The following SLC5A8 variants were observed in gnomAD, a reference collection of about 807,000 sequenced individuals.
SLC5A8 encodes the protein solute carrier family 5 member 8.
A neutral mutation model predicts 71.9 loss-of-function variants in SLC5A8; 55 were observed. The ratio of observed to expected loss-of-function variants is 0.77; its 90% CI spans 0.62 to 0.96. SLC5A8 has a LOEUF of 0.96. Ranked by LOEUF, SLC5A8 falls within the 40% of genes least tolerant of loss-of-function variation. The pLI is 0.00. For synonymous variants in SLC5A8, 307 were observed against 276.1 expected (o/e 1.11, Z -1.11); for missense variants, 701 against 745.3 (o/e 0.94, Z 0.69).
chr12:101,202,315 T>A lies in SLC5A8; in HGVS notation c.418-100A>T. 4 of 1,126,156 alleles carry A rather than the reference T, an allele frequency of 3.6e-6. No individual in the cohort carries two copies. The South Asian group carries it at 7.6e-5, about 21-fold the overall frequency. The allele number at this position is 1,126,156 out of a possible 1,614,324, so 69.8% of individuals were successfully genotyped here. A position where few individuals can be genotyped will look rare whatever the true frequency, so the allele number is the denominator to read the frequency against. ...TTGATTGTTTTCCTATAACTTCAAT[T>A]ATGACTTAAAACAACAGTTTCAAAA... On this transcript the variant is annotated intron_variant, in intron 2 of 14. Transcript: ENST00000536262.
Position 101,158,240 on chromosome 12 carries a change from C to A in SLC5A8, c.1710+9G>T. The A allele has an allele frequency of 1.3e-6, 2 of 1,562,460 alleles. No homozygotes were observed. The highest frequency in any genetic ancestry group is 3.4e-5 in the Admixed American group (2 of 58,520). On this transcript the variant is annotated intron_variant, in intron 14 of 14. Coordinates refer to ENST00000536262, the MANE Select transcript of SLC5A8 (RefSeq NM_145913.5). Reference sequence around the variant, plus strand: ...TTTCCTAACTCAAGGTAAATGAAAGCCAACTCACTTTCTTAAAAATATCAA... The same window carrying A: ...TTTCCTAACTCAAGGTAAATGAAAGACAACTCACTTTCTTAAAAATATCAA...
chr12:101,169,545 C>T (rs1243346033), intron 10 of SLC5A8, among the ~76,000 whole-genome samples: 1 of 152,128 alleles, frequency 6.6e-6, no homozygotes, highest in Non-Finnish European at 1.5e-5. Flanking sequence ...AAACAACAAC[C>T]AACCAGAATG....
rs894886987 is a variant in SLC5A8 at position 101,206,386 on chromosome 12, A to G, written c.352-1821T>C. 2.0e-5 allele frequency among the ~76,000 whole-genome samples: 3 copies of G among 152,220 alleles called. No homozygotes were observed. In the East Asian group the frequency reaches 5.8e-4, roughly 29 times the overall value. ...TAAACATGTGAATGGACATCAATAG[A>G]AGAGAAGTCTTTGTTTTTTCTAGGT... On this transcript the variant is annotated intron_variant, in intron 1 of 14. Transcript: ENST00000536262.
intron 10 of SLC5A8, among the ~76,000 whole-genome samples, chr12:101,173,653 CT>C (rs1398078545): frequency 6.6e-6 from 1 of 152,262 alleles, no homozygotes; most frequent in South Asian, 2.1e-4. Flanking sequence ...GCATGGTGGG[CT>C]GGGAACAGCT....
chr12:101,158,550 GTCTCTC>G lies in SLC5A8; in HGVS notation c.1631-228_1631-223del, dbSNP rs372186123. Among the ~76,000 whole-genome samples the G allele has an allele frequency of 8.4e-3, 404 of 48,282 alleles. 4 individuals carry two copies. Among genetic ancestry groups the G allele is most frequent in the Admixed American group, 8.8e-3 (30 of 3,402 alleles). The allele number at this position is 48,282 out of a possible 152,430, so 31.7% of individuals were successfully genotyped here. A position where few individuals can be genotyped will look rare whatever the true frequency, so the allele number is the denominator to read the frequency against. Reference sequence around the variant, plus strand: ...AAGCCTCTCACTATAATAAATATGAGTCTCTCTCTCTCTCTCTCTCTCTCTCTCTCT... The same window carrying G: ...AAGCCTCTCACTATAATAAATATGAGTCTCTCTCTCTCTCTCTCTCTCTCT... On this transcript the variant is annotated intron_variant, in intron 13 of 14. Coordinates refer to ENST00000536262, the MANE Select transcript of SLC5A8 (RefSeq NM_145913.5).
At chr12:101,174,582 G>C (rs914469124) in intron 10 of SLC5A8, among the ~76,000 whole-genome samples, 14 of 152,174 alleles carry the variant, frequency 9.2e-5, no homozygotes, top group African/African-American at 2.9e-4. Context: ...GTTTATGAAA[G>C]CTGCATCTGT....
Position 101,162,893 on chromosome 12 carries a change from C to A in SLC5A8, c.1527-816G>T, listed in dbSNP as rs1387376252. On this transcript the variant is annotated intron_variant, in intron 12 of 14. Transcript: ENST00000536262. ...CTAATGGAGAGATAAATACAATAAA[C>A]AAATTAATAAATATAATAATTTCCA... Among the ~76,000 whole-genome samples, 4 of 152,068 alleles carry A rather than the reference C, an allele frequency of 2.6e-5. No individual in the cohort carries two copies. The East Asian group carries it at 5.8e-4, about 22-fold the overall frequency.
intron 10 of SLC5A8, among the ~76,000 whole-genome samples, chr12:101,176,899 A>G (rs2051884452): frequency 6.6e-6 from 1 of 152,114 alleles, no homozygotes; most frequent in South Asian, 2.1e-4. Context: ...ACTCAAAGCA[A>G]GGAGAAAAGA....
intron 6 of SLC5A8, among the ~76,000 whole-genome samples, chr12:101,188,415 G>A (rs542301352): frequency 1.3e-5 from 2 of 152,170 alleles, no homozygotes; most frequent in Admixed American, 6.5e-5. Context: ...TGAGCTGCCC[G>A]AGGTGGAAAA....
At chr12:101,187,633 C>T in intron 6 of SLC5A8, 118 bp from the exon 7 acceptor site, 3 of 1,093,570 alleles carry the variant, frequency 2.7e-6, no homozygotes, top group Non-Finnish European at 3.7e-6. Flanking sequence ...TGTACATTAT[C>T]TTTTGATTAT....
At position 101,188,722 on chromosome 12, in the gene SLC5A8, A is replaced by G. The variant is rs193035965; in HGVS notation, c.834-1207T>C. 1.0e-3 allele frequency among the ~76,000 whole-genome samples: 156 copies of G among 152,280 alleles called. 1 individual carries two copies. Among genetic ancestry groups the G allele is most frequent in the Middle Eastern group, 0.01 (3 of 294 alleles). On this transcript the variant is annotated intron_variant, in intron 6 of 14. Transcript: ENST00000536262. ...TCAGAGTCTGCTTCCGGAAGAATCA[A>G]AGGTGGGTTTATCAGATTTATCCTT...
intron 5 of SLC5A8, among the ~76,000 whole-genome samples, chr12:101,193,368 C>CT (rs1331944139): frequency 3.3e-5 from 5 of 152,088 alleles, no homozygotes; most frequent in Non-Finnish European, 7.4e-5. Flanking sequence ...GAAGAAAATA[C>CT]TTTTTTTGCT....
chr12:101,184,043 C>G, intron 8 of SLC5A8, 91 bp downstream of exon 8: 1 of 1,322,658 alleles, frequency 7.6e-7, no homozygotes, highest in Non-Finnish European at 1.1e-6. Context: ...GTGTCTGTGC[C>G]CAGAACTCCA....
rs536903973 is a variant in SLC5A8 at position 101,204,534 on chromosome 12, C to T, written c.383G>A (p.Arg128His). ...AATGAAGAGGACTGTTCCACAGAGA[C>T]GAACACATTTGTTAAATCGAAGTTC... ...YLELRFNKCV[R>H]LCGTVLFIVQ... Residue 128 changes from arginine to histidine, a missense_variant, in exon 2 of 15, where the codon CGT (arginine) becomes CAT (histidine). By Grantham distance (29) the Arg-to-His change is conservative. Transcript: ENST00000536262. The T allele has an allele frequency of 1.4e-5, 22 of 1,598,898 alleles. No homozygotes were observed. In the East Asian group the frequency reaches 2.9e-4, roughly 21 times the overall value.
chr12:101,158,343 G>T lies in SLC5A8; in HGVS notation c.1631-15C>A. 6.6e-7 allele frequency: 1 copy of T among 1,516,002 alleles called. No homozygotes were observed. 93.9% of individuals were successfully genotyped at this position (1,516,002 alleles called of 1,614,324 possible). On this transcript the variant is annotated splice_polypyrimidine_tract_variant and intron_variant, in intron 13 of 14. Coordinates refer to ENST00000536262, the MANE Select transcript of SLC5A8 (RefSeq NM_145913.5). ...TTTTCTTCCTCCTGGAAAAAAAAAT[G>T]TACATGACTTACGTTGTTAAAAAGG...
At chr12:101,198,695 C>T (rs1223190984) in intron 3 of SLC5A8, among the ~76,000 whole-genome samples, 1 of 151,870 alleles carries the variant, frequency 6.6e-6, no homozygotes, top group Admixed American at 6.6e-5. Context: ...AGGGTGATTT[C>T]TACCAAGCAT....
chr12:101,157,646 A>G (rs1593357451), intron 14 of SLC5A8, among the ~76,000 whole-genome samples: 1 of 152,168 alleles, frequency 6.6e-6, no homozygotes, highest in Non-Finnish European at 1.5e-5. Context: ...TTATAATATC[A>G]GAGGATAGAC....
intron 3 of SLC5A8, among the ~76,000 whole-genome samples, chr12:101,200,732 T>G (rs1389992526): frequency 6.6e-6 from 1 of 151,914 alleles, no homozygotes; most frequent in Non-Finnish European, 1.5e-5. Flanking sequence ...CTATTAGAGG[T>G]AAGGGGGAGT....
At chr12:101,199,487 G>T (rs1869341538) in intron 3 of SLC5A8, 1 of 151,896 alleles carries the variant, frequency 6.6e-6, no homozygotes, top group African/African-American at 2.4e-5. Context: ...TTTTTATTAG[G>T]TTATTTGTCT....
Sources: gnomAD v4.1 joint callset for allele counts (sites outside exome capture counted in the v4.1 genomes callset) on GRCh38, gnomAD v4.1.1 for gene constraint, MANE v1.5 for transcripts, NCBI Gene and HGNC (gene_info 2026-07-23, HGNC 2026-07-21) for gene names.